Variants in POT1 observed in about 807,000 individuals in gnomAD.
POT1 encodes protection of telomeres 1, also known as protection of telomeres protein 1.
In POT1, 47 loss-of-function variants were observed where a neutral mutation model predicts 78.5. That is an observed-to-expected ratio of 0.60 (90% CI 0.47 to 0.76). The LOEUF (loss-of-function observed/expected upper bound fraction) is 0.76. POT1 is among the 30% of genes least tolerant of loss of function. The probability of loss-of-function intolerance (pLI) is 0.00; values close to 1 mark genes in which losing one functional copy is unlikely to be tolerated. For synonymous variants in POT1, 259 were observed against 260.7 expected, an observed-to-expected ratio of 0.99 and a Z score of 0.06; for missense variants, 646 against 749.9, an observed-to-expected ratio of 0.86 and a Z score of 1.62.
chr7:124,876,889 A>G lies in POT1; in HGVS notation c.125-5848T>C, dbSNP rs184266735. On this transcript the variant is annotated intron_variant, in intron 6 of 18. Coordinates refer to ENST00000357628, the MANE Select transcript of POT1 (RefSeq NM_015450.3). ...TTAAATTCTGTACCCCAGGCAAAAAAGTCAGAACCAAAGAACAGCTAACAA... is the reference window on the plus strand; with the variant it reads ...TTAAATTCTGTACCCCAGGCAAAAAGGTCAGAACCAAAGAACAGCTAACAA... Among the ~76,000 whole-genome samples the G allele has an allele frequency of 1.2e-4, 19 of 152,348 alleles. No individual in the cohort carries two copies. The East Asian group carries it at 2.7e-3, about 22-fold the overall frequency.
chr7:124,847,427 G>C (rs138271886), intron 11 of POT1, among the ~76,000 whole-genome samples: 1 of 152,216 alleles, frequency 6.6e-6, no homozygotes, highest in Non-Finnish European at 1.5e-5. Flanking sequence ...CCAGGAGGTG[G>C]AGGCTGCAGT....
intron 9 of POT1, 66 bp from the exon 10 acceptor site, chr7:124,853,204 C>G: frequency 1.6e-6 from 2 of 1,250,598 alleles, no homozygotes; most frequent in Non-Finnish European, 2.2e-6. Flanking sequence ...ATATTTAAAA[C>G]TTTAATAACC....
At chr7:124,902,207 C>G (rs1029164990) in intron 3 of POT1, among the ~76,000 whole-genome samples, 1 of 152,128 alleles carries the variant, frequency 6.6e-6, no homozygotes, top group Middle Eastern at 3.4e-3. Flanking sequence ...GAAGAGCAAC[C>G]TCAAGACACA....
intron 3 of POT1, among the ~76,000 whole-genome samples, chr7:124,913,517 TC>T (rs957947036): frequency 2.6e-5 from 4 of 152,224 alleles, no homozygotes; most frequent in Non-Finnish European, 4.4e-5. Context: ...TCATTGCTCA[TC>T]CCTTTTGTAA....
At chr7:124,865,396 C>CT (rs1382103014) in intron 7 of POT1, among the ~76,000 whole-genome samples, 2 of 152,060 alleles carry the variant, frequency 1.3e-5, no homozygotes, top group Non-Finnish European at 2.9e-5. Flanking sequence ...ACCCTCTCTC[C>CT]TCTTGCATCC....
At position 124,909,237 on chromosome 7, in the gene POT1, A is replaced by G. The variant is rs889078807; in HGVS notation, c.-154+6337T>C. 3.9e-5 allele frequency among the ~76,000 whole-genome samples: 6 copies of G among 151,942 alleles called. No homozygotes were observed. The East Asian group carries it at 1.2e-3, about 29-fold the overall frequency. On this transcript the variant is annotated intron_variant, in intron 3 of 18. Transcript: ENST00000357628. The stretch of plus-strand genomic sequence containing the variant: ...AAACTGACTTTAAAATATGAAAACT[A>G]AAACAAAAAATGTCTCATACAGAGG...
At chr7:124,925,798 A>C (rs1202865686) in intron 2 of POT1, among the ~76,000 whole-genome samples, 2 of 152,104 alleles carry the variant, frequency 1.3e-5, no homozygotes, top group Non-Finnish European at 2.9e-5. Flanking sequence ...CCAGAAATAA[A>C]GTCAAATACT....
At chr7:124,868,037 CAATA>C (rs573113128) in intron 7 of POT1, among the ~76,000 whole-genome samples, 1 of 151,918 alleles carries the variant, frequency 6.6e-6, no homozygotes, top group East Asian at 1.9e-4. Flanking sequence ...GATGCCTATA[CAATA>C]AATAAATAAA....
chr7:124,910,008 T>C (rs1222936685), intron 3 of POT1, among the ~76,000 whole-genome samples: 2 of 151,826 alleles, frequency 1.3e-5, no homozygotes, highest in African/African-American at 4.8e-5. Flanking sequence ...AAAAAACAGA[T>C]AGTTACTTGG....
chr7:124,829,144 A>C, intron 16 of POT1, 110 bp downstream of exon 16: 1 of 801,382 alleles, frequency 1.2e-6, no homozygotes. Context: ...AGGAAGGAAT[A>C]AGTATACAAA....
At chr7:124,919,145 T>C (rs139415698) in intron 2 of POT1, among the ~76,000 whole-genome samples, 1 of 152,240 alleles carries the variant, frequency 6.6e-6, no homozygotes, top group East Asian at 1.9e-4. Context: ...GTACAACATA[T>C]ACGGTATTGA....
intron 6 of POT1, among the ~76,000 whole-genome samples, chr7:124,886,619 A>G (rs1584788183): frequency 6.6e-6 from 1 of 152,148 alleles, no homozygotes; most frequent in Admixed American, 6.6e-5. Flanking sequence ...TTAGTATCTT[A>G]GAAGAAACAA....
intron 6 of POT1, among the ~76,000 whole-genome samples, chr7:124,889,382 A>G (rs567030643): frequency 2.0e-5 from 3 of 152,212 alleles, no homozygotes; most frequent in African/African-American, 4.8e-5. Flanking sequence ...TCAGAAAAGA[A>G]GCCATCTTCA....
At chr7:124,843,402 C>A (rs1355012202) in intron 12 of POT1, among the ~76,000 whole-genome samples, 1 of 151,942 alleles carries the variant, frequency 6.6e-6, no homozygotes, top group Non-Finnish European at 1.5e-5. Context: ...TTTTACAGAA[C>A]CATCATTATA....
chr7:124,843,758 A>C lies in POT1; in HGVS notation c.1007-795T>G, dbSNP rs529869315. Among the ~76,000 whole-genome samples, 15 of 152,338 alleles carry C rather than the reference A, an allele frequency of 9.8e-5. No individual in the cohort carries two copies. In the East Asian group the frequency reaches 2.9e-3, roughly 29 times the overall value. ...CTAGCTTAACACTTTCATGTGTTTTAGAAAAGGGAAATGATGTACAAATCT... is the reference window on the plus strand; with the variant it reads ...CTAGCTTAACACTTTCATGTGTTTTCGAAAAGGGAAATGATGTACAAATCT... On this transcript the variant is annotated intron_variant, in intron 12 of 18. Transcript: ENST00000357628.
intron 6 of POT1, among the ~76,000 whole-genome samples, chr7:124,891,713 G>T (rs1025047288): frequency 1.3e-5 from 2 of 151,178 alleles, no homozygotes; most frequent in Non-Finnish European, 3.0e-5. Context: ...TTACCATGGG[G>T]TTTACATAAA....
chr7:124,909,668 TTAAC>T (rs1796844541), intron 3 of POT1, among the ~76,000 whole-genome samples: 1 of 151,938 alleles, frequency 6.6e-6, no homozygotes, highest in African/African-American at 2.4e-5. Flanking sequence ...CAGGTACTAA[TTAAC>T]TAGTGTAGTT....
Position 124,859,110 on chromosome 7 carries a change from T to C in POT1, c.549A>G (p.Val183=), listed in dbSNP as rs758095637. Residue 183 remains valine, a splice_region_variant and synonymous_variant, in exon 9 of 19, where the codon GTA becomes GTG. Transcript: ENST00000357628. ...EVDGASFLLK[V]WDGTRTPFPS... ...GAAATGGTGTCCTGGTGCCATCCCA[T>C]ACCTGCCATAAGAGAGTAGAGTAGT... 2.5e-6 allele frequency: 4 copies of C among 1,583,866 alleles called. No individual in the cohort carries two copies. The highest frequency in any genetic ancestry group is 3.5e-5 in the Admixed American group (2 of 57,704).
chr7:124,826,294 G>A (rs1398249158), intron 17 of POT1, among the ~76,000 whole-genome samples: 1 of 152,162 alleles, frequency 6.6e-6, no homozygotes, highest in Non-Finnish European at 1.5e-5. Context: ...TAAGTTCCAT[G>A]TCTGGAACTT....
Sources: gnomAD v4.1 joint callset for allele counts (sites outside exome capture counted in the v4.1 genomes callset) on GRCh38, gnomAD v4.1.1 for gene constraint, MANE v1.5 for transcripts, NCBI Gene and HGNC (gene_info 2026-07-23, HGNC 2026-07-21) for gene names.